Variants in CADM1 observed in about 807,000 individuals in gnomAD.
CADM1 encodes TSLC-1.
A neutral mutation model predicts 53.1 loss-of-function variants in CADM1; 15 were observed. The observed-to-expected ratio is 0.28, with a 90% confidence interval of 0.19 to 0.44. The LOEUF (loss-of-function observed/expected upper bound fraction) is 0.44, where lower values mean the gene tolerates loss of function less well. CADM1 is among the 20% of genes least tolerant of loss of function. The pLI is 1.00. For missense variants in CADM1, 434 were observed against 611.3 expected, an observed-to-expected ratio of 0.71 and a Z score of 3.06; for synonymous variants, 281 against 243.0, an observed-to-expected ratio of 1.16 and a Z score of -1.45.
At chr11:115,396,479 T>C (rs866708351) in intron 1 of CADM1, among the ~76,000 whole-genome samples, 2 of 152,204 alleles carry the variant, frequency 1.3e-5, no homozygotes, top group African/African-American at 4.8e-5. Context: ...ACAATATTCG[T>C]TGGCCAACCT....
chr11:115,242,522 T>C (rs1452540826), intron 1 of CADM1, among the ~76,000 whole-genome samples: 2 of 152,042 alleles, frequency 1.3e-5, no homozygotes, highest in East Asian at 1.9e-4. Context: ...GGCAAAAGTG[T>C]GTACAGAAAA....
intron 10 of CADM1, among the ~76,000 whole-genome samples, chr11:115,183,992 G>T (rs1021165195): frequency 2.0e-5 from 3 of 152,190 alleles, no homozygotes; most frequent in African/African-American, 7.2e-5. Context: ...CCTGGGTGGA[G>T]ATCTTGCTGG....
chr11:115,414,451 G>A (rs1010713057), intron 1 of CADM1, among the ~76,000 whole-genome samples: 2 of 152,066 alleles, frequency 1.3e-5, no homozygotes, highest in South Asian at 4.1e-4. Context: ...GTCTCTGGAC[G>A]ATTCTATACC....
chr11:115,486,035 C>T, intron 1 of CADM1, among the ~76,000 whole-genome samples: 1 of 152,136 alleles, frequency 6.6e-6, no homozygotes, highest in Non-Finnish European at 1.5e-5. Flanking sequence ...AAAATCAAAG[C>T]ACACCTTCAT....
intron 1 of CADM1, among the ~76,000 whole-genome samples, chr11:115,433,377 G>C (rs999068410): frequency 6.6e-6 from 1 of 152,112 alleles, no homozygotes; most frequent in African/African-American, 2.4e-5. Flanking sequence ...TCTGAATTTG[G>C]TTCCAAAGGG....
Position 115,178,495 on chromosome 11 carries a change from T to G in CADM1, c.1297+149A>C, listed in dbSNP as rs1172824171. On this transcript the variant is annotated intron_variant, in intron 11 of 11. Coordinates refer to ENST00000331581, the MANE Select transcript of CADM1 (RefSeq NM_001301043.2). ...GATTTCTGGTTTTGTTTTTTTTTTT[T>G]TTTTTCTCTTCTCTCTCTTCCAGTT... 4 of 779,598 alleles carry G rather than the reference T, an allele frequency of 5.1e-6. No individual in the cohort carries two copies. The East Asian group carries it at 9.9e-5, about 19-fold the overall frequency. 48.3% of individuals were successfully genotyped at this position (779,598 alleles called of 1,614,324 possible).
intron 8 of CADM1, among the ~76,000 whole-genome samples, chr11:115,198,842 A>C (rs1940286475): frequency 6.6e-6 from 1 of 152,174 alleles, no homozygotes; most frequent in Admixed American, 6.5e-5. Flanking sequence ...TAAACAATGG[A>C]TTCATAACAT....
intron 7 of CADM1, among the ~76,000 whole-genome samples, chr11:115,213,412 G>A (rs1482473487): frequency 6.6e-6 from 1 of 152,114 alleles, no homozygotes; most frequent in Non-Finnish European, 1.5e-5. Flanking sequence ...CATTGGTAGT[G>A]CGTAAAGATA....
intron 1 of CADM1, among the ~76,000 whole-genome samples, chr11:115,439,130 G>A (rs911074215): frequency 1.3e-5 from 2 of 152,158 alleles, no homozygotes; most frequent in African/African-American, 4.8e-5. Context: ...TGAGCCCCCA[G>A]ACCTACTTCC....
intron 1 of CADM1, among the ~76,000 whole-genome samples, chr11:115,454,516 T>C (rs1346588450): frequency 6.6e-6 from 1 of 152,224 alleles, no homozygotes; most frequent in African/African-American, 2.4e-5. Context: ...TTTTTGAAAA[T>C]ACGTTCATCC....
chr11:115,288,430 T>TA (rs1037309251), intron 1 of CADM1, among the ~76,000 whole-genome samples: 59 of 151,476 alleles, frequency 3.9e-4, no homozygotes, highest in African/African-American at 1.2e-3. Flanking sequence ...CTTCGGGATT[T>TA]AAAAAAATAC....
At chr11:115,255,128 C>T (rs17118151) in intron 1 of CADM1, among the ~76,000 whole-genome samples, 3,146 of 152,172 alleles carry the variant, frequency 0.021, 124 homozygotes, top group African/African-American at 0.07. Context: ...GTCAGGCGCA[C>T]GGGCTTTGGC....
At position 115,173,650 on chromosome 11, in the gene CADM1, T is replaced by A. The variant is rs1439089959; in HGVS notation, c.*2824A>T. The A allele has an allele frequency of 2.6e-6, 1 of 386,928 alleles. No homozygotes were observed. Among genetic ancestry groups the A allele is most frequent in the African/African-American group, 2.2e-5 (1 of 46,088 alleles). The allele number at this position is 386,928 out of a possible 1,614,324, so 24.0% of individuals were successfully genotyped here. On this transcript the variant is annotated 3_prime_UTR_variant, in exon 12 of 12. Coordinates refer to ENST00000331581, the MANE Select transcript of CADM1 (RefSeq NM_001301043.2). ...TCACTTTGTAACATTAATTTTTTTTTATTAAGAAGACAGATATTTTATAGT... is the reference window on the plus strand; with the variant it reads ...TCACTTTGTAACATTAATTTTTTTTAATTAAGAAGACAGATATTTTATAGT...
rs73583304 is a variant in CADM1 at position 115,471,517 on chromosome 11, C to T, written c.124+32754G>A. On this transcript the variant is annotated intron_variant, in intron 1 of 11. Coordinates refer to ENST00000331581, the MANE Select transcript of CADM1 (RefSeq NM_001301043.2). ...AGGTAGGGCTACTCAGCCTTTCACACTGAGTATGTGAATCTGGGTTTACAC... is the reference window on the plus strand; with the variant it reads ...AGGTAGGGCTACTCAGCCTTTCACATTGAGTATGTGAATCTGGGTTTACAC... Among the ~76,000 whole-genome samples the T allele has an allele frequency of 2.4e-3, 373 of 152,288 alleles. 1 individual carries two copies. The highest frequency in any genetic ancestry group is 8.7e-3 in the African/African-American group (361 of 41,578).
At chr11:115,229,956 G>A (rs926083485) in intron 4 of CADM1, among the ~76,000 whole-genome samples, 5 of 152,198 alleles carry the variant, frequency 3.3e-5, no homozygotes, top group African/African-American at 1.2e-4. Flanking sequence ...ACCCAGAAAA[G>A]GAGGGAGGAG....
intron 1 of CADM1, among the ~76,000 whole-genome samples, chr11:115,386,353 T>G (rs1946698428): frequency 6.6e-6 from 1 of 152,242 alleles, no homozygotes; most frequent in Admixed American, 6.5e-5. Flanking sequence ...AAATGTATTT[T>G]TAAGTCTTAT....
chr11:115,432,128 G>A (rs2135298885), intron 1 of CADM1, among the ~76,000 whole-genome samples: 1 of 152,010 alleles, frequency 6.6e-6, no homozygotes, highest in Non-Finnish European at 1.5e-5. Flanking sequence ...TGTATTTTTA[G>A]TAGAGATGGG....
intron 1 of CADM1, chr11:115,287,435 T>C (rs1013351807): frequency 1.3e-5 from 2 of 152,198 alleles, no homozygotes; most frequent in African/African-American, 4.8e-5. Flanking sequence ...AGATGGTCCT[T>C]TGAGAGCTCC....
At chr11:115,228,579 G>A (rs1032375034) in intron 5 of CADM1, among the ~76,000 whole-genome samples, 30 of 152,164 alleles carry the variant, frequency 2.0e-4, no homozygotes, top group African/African-American at 7.2e-4. Flanking sequence ...AGTCTACAGG[G>A]CATGGTAAGG....
Sources: allele counts gnomAD v4.1 joint callset (sites outside exome capture counted in the v4.1 genomes callset), GRCh38; gene constraint gnomAD v4.1.1; transcripts MANE v1.5; gene names NCBI Gene and HGNC (gene_info 2026-07-23, HGNC 2026-07-21).